Variants in TCF4 observed in about 807,000 individuals in gnomAD.
The protein encoded by TCF4 is SL3-3 enhancer factor 2.
TCF4 carries 3 observed loss-of-function variants against 82.1 expected under a neutral mutation model. That is an observed-to-expected ratio of 0.04 (90% CI 0.02 to 0.09). The LOEUF (loss-of-function observed/expected upper bound fraction) is 0.09, where lower values mean the gene tolerates loss of function less well. Among genes scored for constraint, TCF4 ranks in the 10% least tolerant of loss-of-function variants. TCF4 has a pLI of 1.00. For synonymous variants in TCF4, 276 were observed against 309.6 expected (o/e 0.89, Z 1.14); for missense variants, 518 against 852.7 (o/e 0.61, Z 4.89).
chr18:55,439,577 C>A (rs1313466699), intron 5 of TCF4, among the ~76,000 whole-genome samples: 1 of 152,166 alleles, frequency 6.6e-6, no homozygotes, highest in Non-Finnish European at 1.5e-5. Context: ...TAAATACTGG[C>A]CCAATCAAGG....
chr18:55,228,626 A>G (rs1199999490), intron 18 of TCF4, among the ~76,000 whole-genome samples: 2 of 152,256 alleles, frequency 1.3e-5, no homozygotes, highest in Non-Finnish European at 2.9e-5. Flanking sequence ...ATATAGGGAA[A>G]GTTGCAATAT....
At chr18:55,415,513 A>C (rs1323604017) in intron 5 of TCF4, among the ~76,000 whole-genome samples, 1 of 152,202 alleles carries the variant, frequency 6.6e-6, no homozygotes, top group African/African-American at 2.4e-5. Flanking sequence ...GGCACTCCCC[A>C]AACTTATTTA....
At chr18:55,317,916 C>T (rs2074542096) in intron 8 of TCF4, among the ~76,000 whole-genome samples, 1 of 151,988 alleles carries the variant, frequency 6.6e-6, no homozygotes, top group Admixed American at 6.6e-5. Context: ...AGAATATAAA[C>T]ATAAAAAGCT....
intron 8 of TCF4, among the ~76,000 whole-genome samples, chr18:55,348,132 G>A (rs554906909): frequency 1.3e-5 from 2 of 152,160 alleles, no homozygotes; most frequent in Non-Finnish European, 2.9e-5. Flanking sequence ...GTGGTGGTAA[G>A]CCATGTGGAT....
chr18:55,417,300 G>A (rs920884546), intron 5 of TCF4, among the ~76,000 whole-genome samples: 7 of 152,280 alleles, frequency 4.6e-5, no homozygotes, highest in African/African-American at 1.7e-4. Context: ...ACCAAATGGA[G>A]TTTCAAAGAT....
chr18:55,585,074 T>A (rs2097625387), intron 3 of TCF4, among the ~76,000 whole-genome samples: 1 of 152,158 alleles, frequency 6.6e-6, no homozygotes, highest in African/African-American at 2.4e-5. Context: ...AGAGTTTCCT[T>A]GACTTAAAAA....
chr18:55,598,246 G>A (rs969820335), intron 2 of TCF4, among the ~76,000 whole-genome samples: 6 of 152,206 alleles, frequency 3.9e-5, no homozygotes, highest in African/African-American at 1.4e-4. Flanking sequence ...AGAAAAGAAT[G>A]TCCTGGGCTG....
intron 5 of TCF4, among the ~76,000 whole-genome samples, chr18:55,443,679 AC>A (rs2095479318): frequency 6.6e-6 from 1 of 152,096 alleles, no homozygotes; most frequent in Non-Finnish European, 1.5e-5. Flanking sequence ...AAAATCAAGA[AC>A]CACATTTCCT....
intron 8 of TCF4, among the ~76,000 whole-genome samples, chr18:55,341,170 G>A (rs984298759): frequency 9.9e-5 from 15 of 152,128 alleles, no homozygotes; most frequent in South Asian, 6.2e-4. Context: ...TGTCTGAAAC[G>A]CTAGGCAGCA....
chr18:55,502,465 G>A (rs1176773307), intron 3 of TCF4, among the ~76,000 whole-genome samples: 1 of 152,120 alleles, frequency 6.6e-6, no homozygotes, highest in South Asian at 2.1e-4. Context: ...CATAGTAAAG[G>A]AAAACTTGGA....
chr18:55,324,547 TC>T (rs1310942907), intron 8 of TCF4, among the ~76,000 whole-genome samples: 6 of 152,196 alleles, frequency 3.9e-5, no homozygotes, highest in Non-Finnish European at 8.8e-5. Context: ...GAAGTCTTAA[TC>T]TTAAGCAGCC....
At chr18:55,366,063 CTTTAT>C (rs1319494389) in intron 6 of TCF4, among the ~76,000 whole-genome samples, 1 of 151,834 alleles carries the variant, frequency 6.6e-6, no homozygotes, top group African/African-American at 2.4e-5. Flanking sequence ...GATAGGCCTT[CTTTAT>C]TTTATAATTC....
chr18:55,468,884 C>CG (rs1568136420), intron 3 of TCF4, among the ~76,000 whole-genome samples: 5 of 94,724 alleles, frequency 5.3e-5, no homozygotes, highest in African/African-American at 2.1e-4. Context: ...AGTTCTCGCC[C>CG]CCCCCCCCCT....
At chr18:55,573,206 T>C (rs749434044) in intron 3 of TCF4, among the ~76,000 whole-genome samples, 1 of 151,530 alleles carries the variant, frequency 6.6e-6, no homozygotes, top group Non-Finnish European at 1.5e-5. Context: ...AGGCAGTGGC[T>C]ATCACACAGC....
intron 8 of TCF4, among the ~76,000 whole-genome samples, chr18:55,306,342 A>G (rs1168421179): frequency 3.9e-5 from 6 of 152,198 alleles, no homozygotes; most frequent in Admixed American, 3.3e-4. Flanking sequence ...TTCTTATAAA[A>G]GAACCAGTTT....
upstream of TCF4, among the ~76,000 whole-genome samples, chr18:55,592,764 C>A (rs541973000): frequency 1.3e-5 from 2 of 152,176 alleles, no homozygotes; most frequent in East Asian, 3.9e-4. Context: ...AGACCTGGTC[C>A]CAGCAAGCTA....
At chr18:55,341,349 A>G (rs1428716428) in intron 8 of TCF4, among the ~76,000 whole-genome samples, 1 of 152,188 alleles carries the variant, frequency 6.6e-6, no homozygotes, top group African/African-American at 2.4e-5. Context: ...CAGGATTTTT[A>G]TAGGAATAAA....
Position 55,627,329 on chromosome 18 carries a change from C to T in TCF4, c.286+3969G>A, listed in dbSNP as rs532106338. Among the ~76,000 whole-genome samples the T allele has an allele frequency of 3.5e-4, 53 of 152,216 alleles. 1 individual carries two copies. The highest frequency in any genetic ancestry group is 1.3e-3 in the African/African-American group (52 of 41,504). ...AAAAGCCATAGAATTCCTGGGAATG[C>T]AGGCATTATGGTGCAGTAGAGGAAA... On this transcript the variant is annotated intron_variant, in intron 2 of 20. Coordinates refer to the TCF4 transcript ENST00000398339.
chr18:55,577,130 T>TATATATGTATATATACATTTATATATG (rs2097535473), intron 3 of TCF4, among the ~76,000 whole-genome samples: 2 of 123,674 alleles, frequency 1.6e-5, no homozygotes, highest in South Asian at 5.0e-4. Context: ...ATTTATATAT[T>TATATATGTATATATACATTTATATATG]TATATATACA....
Sources: gnomAD v4.1 joint callset for allele counts (sites outside exome capture counted in the v4.1 genomes callset) on GRCh38, gnomAD v4.1.1 for gene constraint, MANE v1.5 for transcripts, NCBI Gene and HGNC (gene_info 2026-07-23, HGNC 2026-07-21) for gene names.